PCDHA2: variants seen among roughly 807,000 people sequenced by gnomAD.
PCDHA2 encodes the protein protocadherin alpha-2.
In PCDHA2, 58 loss-of-function variants were observed where a neutral mutation model predicts 66.0. The ratio of observed to expected loss-of-function variants is 0.88; its 90% confidence interval spans 0.71 to 1.09. PCDHA2 has a LOEUF of 1.09. PCDHA2 is among the 50% of genes least tolerant of loss of function. The pLI, the probability that PCDHA2 is intolerant of heterozygous loss-of-function variation, is 0.00. For missense variants in PCDHA2, 1,267 were observed against 1,242.3 expected, an observed-to-expected ratio of 1.02 and a Z score of -0.30; for synonymous variants, 634 against 554.0, an observed-to-expected ratio of 1.14 and a Z score of -2.03.
intron 1 of PCDHA2, chr5:140,836,539 C>G (rs2150263250): frequency 6.2e-7 from 1 of 1,613,680 alleles, no homozygotes; most frequent in East Asian, 2.2e-5. Flanking sequence ...CTGCTGTACA[C>G]GGCGTTGCGG....
At chr5:140,893,264 A>T (rs1554185566) in intron 1 of PCDHA2, among the ~76,000 whole-genome samples, 1 of 152,290 alleles carries the variant, frequency 6.6e-6, no homozygotes, top group African/African-American at 2.4e-5. Context: ...ATAAATGCCC[A>T]ATAGTGGAAT....
chr5:140,882,451 G>C, intron 1 of PCDHA2: 1 of 1,614,040 alleles, frequency 6.2e-7, no homozygotes. Flanking sequence ...AGCTGGTGCC[G>C]CGCCTGTTCC....
chr5:140,860,192 C>CATATATATATATATATATATATATATAT (rs143984774), intron 1 of PCDHA2: 29 of 146,842 alleles, frequency 2.0e-4, no homozygotes, highest in South Asian at 1.3e-3. Context: ...GCTCTCCTTA[C>CATATATATATATATATATATATATATAT]ATATATATCT....
At chr5:140,808,237 G>A in intron 1 of PCDHA2, 1 of 1,614,216 alleles carries the variant, frequency 6.2e-7, no homozygotes, top group African/African-American at 1.3e-5. Context: ...TCCCAGATTT[G>A]GAATTCAAGT....
At chr5:140,833,827 G>C (rs2150211606) in intron 1 of PCDHA2, among the ~76,000 whole-genome samples, 3 of 152,222 alleles carry the variant, frequency 2.0e-5, no homozygotes, top group African/African-American at 7.2e-5. Flanking sequence ...GTCCCTAAAA[G>C]AGTACAGGAT....
chr5:140,969,106 A>G, intron 1 of PCDHA2: 1 of 1,614,132 alleles, frequency 6.2e-7, no homozygotes, highest in Non-Finnish European at 8.5e-7. Flanking sequence ...ACTTCATTGA[A>G]GTTCGAGGGA....
intron 1 of PCDHA2, among the ~76,000 whole-genome samples, chr5:140,827,019 A>G (rs139009189): frequency 3.3e-5 from 5 of 152,362 alleles, no homozygotes; most frequent in Admixed American, 3.3e-4. Flanking sequence ...CATTAAAAAT[A>G]TGAATTTAAA....
intron 1 of PCDHA2, among the ~76,000 whole-genome samples, chr5:140,969,920 A>G (rs1554232150): frequency 6.6e-6 from 1 of 152,226 alleles, no homozygotes; most frequent in African/African-American, 2.4e-5. Flanking sequence ...ATAAAGCTGT[A>G]GTATTTAGAC....
rs149448038 is a variant in PCDHA2 at position 140,843,600 on chromosome 5, C to T, written c.2388+46248C>T. On this transcript the variant is annotated intron_variant, in intron 1 of 3. Coordinates refer to ENST00000526136, the MANE Select transcript of PCDHA2 (RefSeq NM_018905.3). Reference sequence around the variant, plus strand: ...CAACAACAGCCGCAGAGGGTGTGCTCTGGTGAGGGGCCACCGAAGACGGAC... The same window carrying T: ...CAACAACAGCCGCAGAGGGTGTGCTTTGGTGAGGGGCCACCGAAGACGGAC... The T allele has an allele frequency of 1.0e-4, 165 of 1,596,060 alleles. 9 individuals are homozygous for T. The African/African-American group carries it at 2.0e-3, about 20-fold the overall frequency.
rs1777055567 is a variant in PCDHA2, at chr5:140,841,163, T to C, written c.2388+43811T>C. 2 of 914,834 alleles carry C rather than the reference T, an allele frequency of 2.2e-6. 1 individual carries two copies. The highest frequency in any genetic ancestry group is 3.2e-6 in the Non-Finnish European group (2 of 616,240). 56.7% of individuals were successfully genotyped at this position (914,834 alleles called of 1,614,324 possible). ...CATGATGTCGCTGTCTACCAAGAAG[T>C]TCTGGTTGGTCAATGTTCAAAGTCT... On this transcript the variant is annotated intron_variant, in intron 1 of 3. Coordinates refer to ENST00000526136, the MANE Select transcript of PCDHA2 (RefSeq NM_018905.3).
At chr5:140,843,702 A>G (rs375271706) in intron 1 of PCDHA2, 3 of 1,580,560 alleles carry the variant, frequency 1.9e-6, no homozygotes, top group Admixed American at 3.4e-5. Context: ...TTAAATGTTG[A>G]TCATGGCCTC....
chr5:140,851,439 G>C (rs2042060539), intron 1 of PCDHA2: 1 of 927,140 alleles, frequency 1.1e-6, no homozygotes, highest in African/African-American at 1.8e-5. Flanking sequence ...GAAAACAGTT[G>C]CTCCACTTTA....
chr5:140,832,024 T>A (rs1396101344), intron 1 of PCDHA2, among the ~76,000 whole-genome samples: 1 of 152,254 alleles, frequency 6.6e-6, no homozygotes, highest in African/African-American at 2.4e-5. Flanking sequence ...AAAGATTGAA[T>A]TTTTGTTATT....
intron 1 of PCDHA2, chr5:140,823,610 C>T: frequency 6.2e-7 from 1 of 1,614,002 alleles, no homozygotes; most frequent in Non-Finnish European, 8.5e-7. Flanking sequence ...GAGCTGCAGC[C>T]AGCGCCTGGC....
chr5:140,854,158 T>TTAAA, intron 1 of PCDHA2: 1 of 123,422 alleles, frequency 8.1e-6, no homozygotes, highest in Non-Finnish European at 1.0e-5. Flanking sequence ...AGATTCTGTC[T>TTAAA]CAAAAAAAAA....
chr5:140,857,821 T>C, intron 1 of PCDHA2: 2 of 1,597,642 alleles, frequency 1.3e-6, no homozygotes, highest in South Asian at 2.2e-5. Flanking sequence ...ACGTGGTGGC[T>C]AAGGTGCGCG....
In PCDHA2 at chr5:140,794,906, A is replaced by G; in HGVS notation, c.-59A>G. The G allele has an allele frequency of 2.0e-6, 3 of 1,509,630 alleles. No individual in the cohort carries two copies. Among genetic ancestry groups the G allele is most frequent in the Admixed American group, 2.1e-5 (1 of 47,334 alleles). 93.5% of individuals were successfully genotyped at this position (1,509,630 alleles called of 1,614,324 possible). A position where few individuals can be genotyped will look rare whatever the true frequency, so the allele number is the denominator to read the frequency against. On this transcript the variant is annotated 5_prime_UTR_variant, in exon 1 of 4. Coordinates refer to ENST00000526136, the MANE Select transcript of PCDHA2 (RefSeq NM_018905.3). Reference sequence around the variant, plus strand: ...CAGCAGGACTTTAACAGAGACTAGAATATTTAAATTTTTGCAAAACATGCT... The same window carrying G: ...CAGCAGGACTTTAACAGAGACTAGAGTATTTAAATTTTTGCAAAACATGCT...
chr5:140,821,089 A>T (rs936159198), intron 1 of PCDHA2, among the ~76,000 whole-genome samples: 1 of 152,184 alleles, frequency 6.6e-6, no homozygotes, highest in Non-Finnish European at 1.5e-5. Flanking sequence ...TGAAAATAAC[A>T]TCAACAAAAT....
chr5:140,809,434 A>T, intron 1 of PCDHA2: 2 of 1,614,242 alleles, frequency 1.2e-6, no homozygotes, highest in South Asian at 2.2e-5. Flanking sequence ...GGAGCTGGTC[A>T]TACTCGCAGC....
Sources: gnomAD v4.1 joint callset for allele counts (sites outside exome capture counted in the v4.1 genomes callset) on GRCh38, gnomAD v4.1.1 for gene constraint, MANE v1.5 for transcripts, NCBI Gene and HGNC (gene_info 2026-07-23, HGNC 2026-07-21) for gene names.